Variants in TEX11 observed in about 807,000 individuals in gnomAD.
TEX11 encodes testis expressed 11.
Under a neutral mutation model 84.4 loss-of-function variants are expected in TEX11, and 7 were observed. The observed-to-expected ratio is 0.08, with a 90% CI of 0.05 to 0.16. TEX11 has a LOEUF of 0.16. Ranked by LOEUF, TEX11 falls within the 10% of genes least tolerant of loss-of-function variation. The pLI, the probability that TEX11 is intolerant of heterozygous loss-of-function variation, is 1.00. For missense variants in TEX11, 551 were observed against 660.5 expected (o/e 0.83, Z 1.82); for synonymous variants, 264 against 222.8 (o/e 1.18, Z -1.64).
At chrX:70,570,138 C>T (rs769497940) in intron 25 of TEX11, among the ~76,000 whole-genome samples, 9 of 111,843 alleles carry the variant, frequency 8.0e-5, no homozygotes, top group South Asian at 3.7e-4. Flanking sequence ...GCCTCGCTGC[C>T]GCCTTGCAGT....
rs188740197 is a variant in TEX11 at position 70,559,882 on chromosome X, C to T, written c.2141-5082G>A. On this transcript the variant is annotated intron_variant, in intron 25 of 29. Coordinates refer to ENST00000374333, the MANE Select transcript of TEX11 (RefSeq NM_031276.3). ...GTATATATCTAAAAGTGAGATTTGA[C>T]GGTCACTGCTGGGATAGAAACATGT... Among the ~76,000 whole-genome samples the T allele has an allele frequency of 2.8e-3, 308 of 111,817 alleles. 6 individuals carry two copies. The highest frequency in any genetic ancestry group is 0.026 in the Admixed American group (269 of 10,484).
chrX:70,849,065 G>C (rs1179570554), intron 7 of TEX11, among the ~76,000 whole-genome samples: 3 of 112,124 alleles, frequency 2.7e-5, no homozygotes, highest in Non-Finnish European at 5.6e-5. Context: ...ACACAGAAAA[G>C]TATCCTTCAC....
At chrX:70,749,191 T>C in intron 9 of TEX11, among the ~76,000 whole-genome samples, 1 of 108,835 alleles carries the variant, frequency 9.2e-6, no homozygotes, top group Non-Finnish European at 1.9e-5. Flanking sequence ...CAATTTTCAA[T>C]GGGAGTTCAC....
chrX:70,865,190 G>A lies in TEX11; in HGVS notation c.245-4254C>T, dbSNP rs181107085. On this transcript the variant is annotated intron_variant, in intron 4 of 29. Coordinates refer to ENST00000374333, the MANE Select transcript of TEX11 (RefSeq NM_031276.3). ...AGACACACATAGGCTCAAAATAAAC[G>A]GATGGAGGAAGATCTACCAAGCAAA... 2.2e-3 allele frequency among the ~76,000 whole-genome samples: 241 copies of A among 111,159 alleles called. 1 individual carries two copies. The highest frequency in any genetic ancestry group is 7.7e-3 in the African/African-American group (235 of 30,567).
chrX:70,862,059 T>G (rs2091573400), intron 4 of TEX11, among the ~76,000 whole-genome samples: 1 of 107,132 alleles, frequency 9.3e-6, no homozygotes, highest in African/African-American at 3.5e-5. Flanking sequence ...GGCATGATCA[T>G]AGCTCACTGC....
At chrX:70,600,264 T>A (rs1182742524) in intron 24 of TEX11, among the ~76,000 whole-genome samples, 1 of 112,023 alleles carries the variant, frequency 8.9e-6, no homozygotes, top group African/African-American at 3.2e-5. Context: ...ATTTCTCTGA[T>A]GGCCAGTGAT....
At chrX:70,722,576 A>G (rs750043323) in intron 13 of TEX11, 42 bp downstream of exon 13, 1 of 1,125,611 alleles carries the variant, frequency 8.9e-7, no homozygotes, top group Admixed American at 2.2e-5. Context: ...GTGCCTAGCC[A>G]AAAACTGTCA....
intron 25 of TEX11, among the ~76,000 whole-genome samples, chrX:70,569,684 T>A (rs1010531044): frequency 3.6e-5 from 4 of 111,896 alleles, no homozygotes; most frequent in Non-Finnish European, 7.5e-5. Context: ...CAGACCCTGT[T>A]TGCCTGGGTA....
chrX:70,908,628 C>G (rs1379280115), intron 1 of TEX11, 26 bp downstream of exon 1: 1 of 111,832 alleles, frequency 8.9e-6, no homozygotes, highest in African/African-American at 3.3e-5. Flanking sequence ...CCTATTCTAC[C>G]CCTTCCTGCC....
intron 16 of TEX11, among the ~76,000 whole-genome samples, chrX:70,669,017 C>T (rs2090000446): frequency 8.9e-6 from 1 of 112,209 alleles, no homozygotes; most frequent in African/African-American, 3.2e-5. Context: ...CACCTGTGTG[C>T]CTGACTTACG....
At chrX:70,552,362 C>T (rs907072861) in intron 27 of TEX11, 116 bp from the exon 28 acceptor site, 3 of 929,307 alleles carry the variant, frequency 3.2e-6, no homozygotes, top group African/African-American at 4.0e-5. Flanking sequence ...CACTTCTGTT[C>T]TTCCCTCGGT....
chrX:70,516,100 TGC>T, the TEX11 span, among the ~76,000 whole-genome samples: 3 of 112,365 alleles, frequency 2.7e-5, no homozygotes, highest in East Asian at 5.6e-4. Flanking sequence ...TAGTTTCTTT[TGC>T]TGTGCAGAAG....
chrX:70,817,244 C>T (rs1326867698), intron 8 of TEX11, among the ~76,000 whole-genome samples: 3 of 100,872 alleles, frequency 3.0e-5, no homozygotes, highest in African/African-American at 1.1e-4. Context: ...CACACACACA[C>T]ATATATATAT....
At chrX:70,727,078 C>T (rs746980576) in intron 11 of TEX11, among the ~76,000 whole-genome samples, 5 of 111,470 alleles carry the variant, frequency 4.5e-5, no homozygotes, top group African/African-American at 1.3e-4. Flanking sequence ...AACAAACATA[C>T]AAGATAAGTA....
At chrX:70,582,495 C>G (rs2088789367) in intron 25 of TEX11, among the ~76,000 whole-genome samples, 1 of 111,224 alleles carries the variant, frequency 9.0e-6, no homozygotes, top group South Asian at 3.7e-4. Flanking sequence ...TGATTAATGC[C>G]TTCACCACAA....
chrX:70,890,024 T>C (rs1344724800), intron 2 of TEX11, among the ~76,000 whole-genome samples: 1 of 111,139 alleles, frequency 9.0e-6, no homozygotes, highest in African/African-American at 3.3e-5. Context: ...CATTGATCCC[T>C]TGCCTACAAG....
At chrX:70,607,692 G>A (rs73542423) in intron 22 of TEX11, among the ~76,000 whole-genome samples, 9,318 of 111,642 alleles carry the variant, frequency 0.083, 848 homozygotes, top group African/African-American at 0.27. Context: ...TAAGAACAAG[G>A]TACACTGTAA....
At chrX:70,830,852 T>C (rs1476917921) in intron 8 of TEX11, among the ~76,000 whole-genome samples, 1 of 110,623 alleles carries the variant, frequency 9.0e-6, no homozygotes, top group African/African-American at 3.3e-5. Flanking sequence ...CTTTGTACAC[T>C]GCTGGTGGGA....
intron 15 of TEX11, among the ~76,000 whole-genome samples, chrX:70,676,500 T>C (rs1206067267): frequency 8.9e-6 from 1 of 112,280 alleles, no homozygotes; most frequent in African/African-American, 3.2e-5. Context: ...ATATAAGGTG[T>C]CACTTTTATC....
Sources: gnomAD v4.1 joint callset for allele counts (sites outside exome capture counted in the v4.1 genomes callset) on GRCh38, gnomAD v4.1.1 for gene constraint, MANE v1.5 for transcripts, NCBI Gene and HGNC (gene_info 2026-07-23, HGNC 2026-07-21) for gene names.